ZFHX3: variants seen among roughly 807,000 people sequenced by gnomAD.
ZFHX3 encodes zinc finger homeobox 3.
In ZFHX3, 42 loss-of-function variants were observed where a neutral mutation model predicts 279.1. That is an observed-to-expected ratio of 0.15 (90% confidence interval 0.12 to 0.19). The LOEUF is 0.19. Ranked by LOEUF, ZFHX3 falls within the 10% of genes least tolerant of loss-of-function variation. The pLI is 1.00. For synonymous variants in ZFHX3, 2,293 were observed against 1,957.8 expected, an observed-to-expected ratio of 1.17 and a Z score of -4.52; for missense variants, 4,981 against 4,754.0, an observed-to-expected ratio of 1.05 and a Z score of -1.40.
At chr16:73,571,736 T>C (rs2051738468) in intron 2 of ZFHX3, among the ~76,000 whole-genome samples, 2 of 152,220 alleles carry the variant, frequency 1.3e-5, no homozygotes, top group Non-Finnish European at 1.5e-5. Flanking sequence ...TAAATACTGG[T>C]GTGAAAACAC....
At chr16:73,665,956 CAGG>C (rs2052837042) in intron 2 of ZFHX3, among the ~76,000 whole-genome samples, 1 of 151,340 alleles carries the variant, frequency 6.6e-6, no homozygotes. Context: ...ACTGGGACTA[CAGG>C]AGACCACCAC....
intron 2 of ZFHX3, among the ~76,000 whole-genome samples, chr16:73,678,295 C>A (rs2052975172): frequency 1.3e-5 from 2 of 151,948 alleles, no homozygotes; most frequent in Admixed American, 1.3e-4. Context: ...ATGTTCAAGC[C>A]CTATTGGTTA....
chr16:73,691,809 C>T (rs986279738), intron 1 of ZFHX3, among the ~76,000 whole-genome samples: 3 of 152,088 alleles, frequency 2.0e-5, no homozygotes, highest in Non-Finnish European at 4.4e-5. Flanking sequence ...GTCACTTGTT[C>T]TTCATTAATT....
intron 4 of ZFHX3, among the ~76,000 whole-genome samples, chr16:72,883,993 C>T (rs1383757627): frequency 6.6e-6 from 1 of 150,748 alleles, no homozygotes; most frequent in Non-Finnish European, 1.5e-5. Flanking sequence ...AGAAAAATTA[C>T]ACTGAAATTG....
chr16:73,455,644 G>C (rs961772822), intron 3 of ZFHX3, among the ~76,000 whole-genome samples: 11 of 152,030 alleles, frequency 7.2e-5, no homozygotes, highest in Admixed American at 1.3e-4. Flanking sequence ...TGAATACTAT[G>C]AGCATTGTAA....
rs76092957 is a variant in ZFHX3, at chr16:72,989,670, G to C, written c.-49-29476C>G. Among the ~76,000 whole-genome samples the C allele has an allele frequency of 4.4e-3, 666 of 152,246 alleles. 11 individuals carry two copies. The highest frequency in any genetic ancestry group is 3.2e-3 in the Non-Finnish European group (215 of 68,016). ...CCAGGGCAGAAGGAAGAAATAAGTG[G>C]GAAGAATATGGGCCAAATGAGTTAG... On this transcript the variant is annotated intron_variant, in intron 1 of 9. Transcript: ENST00000268489.
At chr16:73,460,790 G>A (rs775564414) in intron 2 of ZFHX3, among the ~76,000 whole-genome samples, 4 of 152,074 alleles carry the variant, frequency 2.6e-5, no homozygotes, top group Non-Finnish European at 4.4e-5. Flanking sequence ...GTGAGTTCTC[G>A]TGAGATCTGG....
At chr16:73,172,579 A>G (rs1460536336) in intron 5 of ZFHX3, among the ~76,000 whole-genome samples, 1 of 152,220 alleles carries the variant, frequency 6.6e-6, no homozygotes, top group African/African-American at 2.4e-5. Flanking sequence ...GGCCGTGTTC[A>G]AGATGGTAGC....
At chr16:73,476,669 A>G (rs560985388) in intron 2 of ZFHX3, among the ~76,000 whole-genome samples, 1 of 152,300 alleles carries the variant, frequency 6.6e-6, no homozygotes, top group South Asian at 2.1e-4. Flanking sequence ...TCTGTCTCAT[A>G]AGTTTCTTAA....
chr16:73,473,684 C>G lies in ZFHX3; in HGVS notation c.-1546-17426G>C, dbSNP rs556189688. 1.2e-4 allele frequency among the ~76,000 whole-genome samples: 18 copies of G among 152,296 alleles called. 1 individual carries two copies. The South Asian group carries it at 3.7e-3, about 32-fold the overall frequency. On this transcript the variant is annotated intron_variant, in intron 2 of 17. Coordinates refer to the ZFHX3 transcript ENST00000641206. ...CACACCTGCTGAAAAGAACATGTTGCTACCTGCAATATCCAAACTCTACCA... is the reference window on the plus strand; with the variant it reads ...CACACCTGCTGAAAAGAACATGTTGGTACCTGCAATATCCAAACTCTACCA...
chr16:73,493,596 G>A (rs1011929286), intron 2 of ZFHX3, among the ~76,000 whole-genome samples: 9 of 152,200 alleles, frequency 5.9e-5, no homozygotes, highest in Non-Finnish European at 1.2e-4. Context: ...CTGTACCTGG[G>A]AAGGACAGGT....
intron 2 of ZFHX3, among the ~76,000 whole-genome samples, chr16:73,594,873 A>G (rs997332802): frequency 1.3e-5 from 2 of 152,002 alleles, no homozygotes; most frequent in African/African-American, 4.8e-5. Flanking sequence ...TTTTGTTGTT[A>G]ATATTTGTGT....
chr16:72,955,743 C>A (rs867850807), intron 2 of ZFHX3, among the ~76,000 whole-genome samples: 2 of 149,240 alleles, frequency 1.3e-5, no homozygotes, highest in Middle Eastern at 3.2e-3. Flanking sequence ...GCACCACTCA[C>A]TCCAGCCTGG....
chr16:73,795,501 A>G (rs1415585989), intron 1 of ZFHX3, among the ~76,000 whole-genome samples: 3 of 152,090 alleles, frequency 2.0e-5, no homozygotes, highest in Admixed American at 2.0e-4. Context: ...ACAGAGAACC[A>G]CCTTTCTATC....
At chr16:73,317,842 TG>T (rs1407306009) in intron 4 of ZFHX3, among the ~76,000 whole-genome samples, 1 of 152,194 alleles carries the variant, frequency 6.6e-6, no homozygotes, top group East Asian at 1.9e-4. Flanking sequence ...GGCAAATAAA[TG>T]GGCCCAGAGA....
At chr16:73,715,607 A>G (rs1458527789) in intron 1 of ZFHX3, among the ~76,000 whole-genome samples, 1 of 113,730 alleles carries the variant, frequency 8.8e-6, no homozygotes, top group Non-Finnish European at 1.6e-5. Flanking sequence ...GAGTCTCGCT[A>G]TGTTGCCCAG....
intron 3 of ZFHX3, among the ~76,000 whole-genome samples, chr16:72,950,170 G>C (rs1321217185): frequency 6.6e-6 from 1 of 151,700 alleles, no homozygotes; most frequent in African/African-American, 2.4e-5. Flanking sequence ...GGATGCAAAA[G>C]AGCCCATGTA....
chr16:73,352,313 C>A (rs2016257316), intron 3 of ZFHX3, among the ~76,000 whole-genome samples: 1 of 152,102 alleles, frequency 6.6e-6, no homozygotes, highest in African/African-American at 2.4e-5. Flanking sequence ...AAAGGACAAT[C>A]AAATAGCTCG....
At chr16:73,010,060 G>C (rs1034406858) in intron 1 of ZFHX3, among the ~76,000 whole-genome samples, 3 of 147,092 alleles carry the variant, frequency 2.0e-5, no homozygotes, top group African/African-American at 7.5e-5. Context: ...AAGGTACACA[G>C]CACCTGGGGG....
Sources: gnomAD v4.1 joint callset for allele counts (sites outside exome capture counted in the v4.1 genomes callset) on GRCh38, gnomAD v4.1.1 for gene constraint, MANE v1.5 for transcripts, NCBI Gene and HGNC (gene_info 2026-07-23, HGNC 2026-07-21) for gene names.